Variants in RIPOR2 observed in about 807,000 individuals in gnomAD.
RIPOR2 encodes the protein rho family-interacting cell polarization regulator 2.
A neutral mutation model predicts 114.5 loss-of-function variants in RIPOR2; 39 were observed. The observed-to-expected ratio is 0.34, with a 90% confidence interval of 0.26 to 0.44. The LOEUF (loss-of-function observed/expected upper bound fraction) is 0.44. Ranked by LOEUF, RIPOR2 falls within the 20% of genes least tolerant of loss-of-function variation. The pLI, the probability that RIPOR2 is intolerant of heterozygous loss-of-function variation, is 1.00. For synonymous variants in RIPOR2, 445 were observed against 484.4 expected (o/e 0.92, Z 1.07); for missense variants, 1,007 against 1,255.1 (o/e 0.80, Z 2.99).
At chr6:24,976,080 C>T (rs367828514) in intron 1 of RIPOR2, among the ~76,000 whole-genome samples, 208 of 152,202 alleles carry the variant, frequency 1.4e-3, no homozygotes, top group African/African-American at 4.1e-3. Context: ...TTAACTGGTT[C>T]AGCCTTTTTG....
At chr6:24,963,198 A>T (rs1561811083) in intron 1 of RIPOR2, among the ~76,000 whole-genome samples, 1 of 151,990 alleles carries the variant, frequency 6.6e-6, no homozygotes, top group East Asian at 1.9e-4. Context: ...CACCCAGCTA[A>T]TTTTTTGTAA....
chr6:25,023,640 G>A (rs774908667), intron 1 of RIPOR2: 38 of 762,622 alleles, frequency 5.0e-5, no homozygotes, highest in Middle Eastern at 7.2e-4. Flanking sequence ...GTGCCTGCTG[G>A]GGTCTCATAG....
chr6:25,036,720 C>T (rs1037636815), intron 1 of RIPOR2, among the ~76,000 whole-genome samples: 2 of 152,188 alleles, frequency 1.3e-5, no homozygotes, highest in African/African-American at 4.8e-5. Context: ...AGAGGCGAAA[C>T]AAGTTCCAAG....
At chr6:24,916,977 A>G (rs973203262) in intron 1 of RIPOR2, among the ~76,000 whole-genome samples, 4 of 152,226 alleles carry the variant, frequency 2.6e-5, no homozygotes, top group African/African-American at 9.6e-5. Flanking sequence ...AAATGTTCAA[A>G]GTTGATGGGA....
intron 1 of RIPOR2, among the ~76,000 whole-genome samples, chr6:25,010,232 C>T (rs956233442): frequency 2.0e-5 from 3 of 152,110 alleles, no homozygotes; most frequent in Non-Finnish European, 1.5e-5. Context: ...CAGTCTCGTG[C>T]CCTCCCTGGG....
intron 6 of RIPOR2, among the ~76,000 whole-genome samples, chr6:24,867,961 C>T (rs936644339): frequency 6.6e-6 from 1 of 152,038 alleles, no homozygotes; most frequent in African/African-American, 2.4e-5. Flanking sequence ...ATAAATATAC[C>T]CTTACCTAAT....
intron 13 of RIPOR2, among the ~76,000 whole-genome samples, chr6:24,841,791 T>C (rs1761748202): frequency 6.6e-6 from 1 of 151,680 alleles, no homozygotes; most frequent in East Asian, 1.9e-4. Context: ...CTAATTTTTG[T>C]ATTTTTTGTA....
At chr6:24,991,100 G>A (rs1774791808) in intron 1 of RIPOR2, among the ~76,000 whole-genome samples, 2 of 152,138 alleles carry the variant, frequency 1.3e-5, no homozygotes, top group South Asian at 4.1e-4. Context: ...CCCTGTTCCT[G>A]TGTCTTTCTA....
intron 1 of RIPOR2, among the ~76,000 whole-genome samples, chr6:24,956,240 A>T (rs1773038657): frequency 6.6e-6 from 1 of 152,190 alleles, no homozygotes; most frequent in African/African-American, 2.4e-5. Context: ...ATTATTCCGC[A>T]CATGCTATCT....
At chr6:24,954,904 G>T (rs1671529902) in intron 1 of RIPOR2, among the ~76,000 whole-genome samples, 1 of 152,146 alleles carries the variant, frequency 6.6e-6, no homozygotes, top group African/African-American at 2.4e-5. Flanking sequence ...ACATTTTGGT[G>T]GCTGTGCAGC....
At position 24,893,768 on chromosome 6, in the gene RIPOR2, G is replaced by A. The variant is rs983762591; in HGVS notation, c.62-17951C>T. 3.9e-5 allele frequency among the ~76,000 whole-genome samples: 6 copies of A among 152,194 alleles called. No homozygotes were observed. The South Asian group carries it at 6.2e-4, about 16-fold the overall frequency. On this transcript the variant is annotated intron_variant, in intron 1 of 21. Transcript: ENST00000643898. ...CCCAGATCAACAGGGGAAGAGAATC[G>A]TGTTGTCAGGGAACCTTAGATTTTG...
intron 1 of RIPOR2, among the ~76,000 whole-genome samples, chr6:24,949,789 T>C (rs1488052687): frequency 2.0e-5 from 3 of 152,210 alleles, no homozygotes; most frequent in Admixed American, 2.0e-4. Context: ...GCCTAGCTCC[T>C]TGTCCCTCAG....
Position 24,843,459 on chromosome 6 carries a change from G to A in RIPOR2, c.1260C>T (p.Cys420=), listed in dbSNP as rs375535589. The A allele has an allele frequency of 1.1e-5, 18 of 1,609,162 alleles. No individual in the cohort carries two copies. Among genetic ancestry groups the A allele is most frequent in the South Asian group, 4.4e-5 (4 of 90,880 alleles). Reference sequence around the variant, plus strand: ...AGCCTGTTGAGTGGGAGGTGAGGGCGCAGTCCCCGTTGGGCAGGTCACTGA... The same window carrying A: ...AGCCTGTTGAGTGGGAGGTGAGGGCACAGTCCCCGTTGGGCAGGTCACTGA... ...LSFSDLPNGD[C]ALTSHSTGSP... The change falls in exon 13 of 22, where the codon TGC becomes TGT. Residue 420 remains cysteine, a synonymous_variant. Transcript: ENST00000643898.
chr6:25,039,954 C>T (rs1456498417), intron 1 of RIPOR2, among the ~76,000 whole-genome samples: 4 of 152,216 alleles, frequency 2.6e-5, no homozygotes, highest in African/African-American at 9.6e-5. Context: ...ACCAGCTCAG[C>T]TTGCCTCCGA....
At chr6:24,970,330 G>A (rs1423593432) in intron 1 of RIPOR2, among the ~76,000 whole-genome samples, 1 of 152,204 alleles carries the variant, frequency 6.6e-6, no homozygotes, top group Non-Finnish European at 1.5e-5. Flanking sequence ...TGTGAGGTGA[G>A]CGGAGGCAGT....
At chr6:24,964,556 G>C (rs1485840051) in intron 1 of RIPOR2, among the ~76,000 whole-genome samples, 1 of 152,136 alleles carries the variant, frequency 6.6e-6, no homozygotes, top group Non-Finnish European at 1.5e-5. Flanking sequence ...GAGACATTTT[G>C]GTTGTTTCCA....
At chr6:24,931,901 C>T (rs986932675) in intron 1 of RIPOR2, 3 of 152,230 alleles carry the variant, frequency 2.0e-5, no homozygotes, top group African/African-American at 4.8e-5. Context: ...CTGACCACCA[C>T]CTGGTGAGCC....
chr6:25,031,667 G>T (rs1459744874), intron 1 of RIPOR2, among the ~76,000 whole-genome samples: 1 of 113,268 alleles, frequency 8.8e-6, no homozygotes. Flanking sequence ...TGATAGATAG[G>T]TATATGGTTA....
chr6:24,869,173 G>C (rs773752141), intron 5 of RIPOR2, 26 bp from the exon 6 acceptor site: 2 of 1,321,968 alleles, frequency 1.5e-6, no homozygotes, highest in South Asian at 2.5e-5. Flanking sequence ...GTTTGAAAAA[G>C]TACAGTCATT....
Sources: gnomAD v4.1 joint callset for allele counts (sites outside exome capture counted in the v4.1 genomes callset) on GRCh38, gnomAD v4.1.1 for gene constraint, MANE v1.5 for transcripts, NCBI Gene and HGNC (gene_info 2026-07-23, HGNC 2026-07-21) for gene names.